GREB1L: variants seen among roughly 807,000 people sequenced by gnomAD.
GREB1L encodes GREB1-like protein.
GREB1L carries 17 observed loss-of-function variants against 200.8 expected under a neutral mutation model. The ratio of observed to expected loss-of-function variants is 0.08; its 90% CI spans 0.06 to 0.13. The LOEUF is 0.13. Among genes scored for constraint, GREB1L ranks in the 10% least tolerant of loss-of-function variants. The pLI is 1.00. For synonymous variants in GREB1L, 789 were observed against 893.0 expected, an observed-to-expected ratio of 0.88 and a Z score of 2.08; for missense variants, 1,657 against 2,367.7, an observed-to-expected ratio of 0.70 and a Z score of 6.23.
intron 18 of GREB1L, among the ~76,000 whole-genome samples, 158 bp from the exon 19 acceptor site, chr18:21,489,854 A>G (rs1216777411): frequency 6.6e-6 from 1 of 152,154 alleles, no homozygotes; most frequent in Non-Finnish European, 1.5e-5. Flanking sequence ...TTTTCCTTCC[A>G]GTGATGTAGG....
intron 21 of GREB1L, 52 bp from the exon 22 acceptor site, chr18:21,499,677 C>A: frequency 7.4e-7 from 1 of 1,349,976 alleles, no homozygotes; most frequent in Non-Finnish European, 1.0e-6. Context: ...CTTCCACACC[C>A]TAGATCAGTA....
At chr18:21,505,778 C>T in intron 24 of GREB1L, 32 bp from the exon 25 acceptor site, 7 of 1,540,830 alleles carry the variant, frequency 4.5e-6, no homozygotes, top group Middle Eastern at 1.7e-4. Context: ...CATGTTATCT[C>T]ATGGGATGGC....
Position 21,514,815 on chromosome 18 carries a change from C to T in GREB1L, c.4902-602C>T, listed in dbSNP as rs762316796. Among the ~76,000 whole-genome samples, 13 of 152,294 alleles carry T rather than the reference C, an allele frequency of 8.5e-5. No homozygotes were observed. The South Asian group carries it at 1.2e-3, about 15-fold the overall frequency. On this transcript the variant is annotated intron_variant, in intron 28 of 32. Transcript: ENST00000424526. Reference sequence around the variant, plus strand: ...CTCAAGTCCATCACCTGTAAAATTACGCCTGGGCCAAAATCAGTGGTTCTC... The same window carrying T: ...CTCAAGTCCATCACCTGTAAAATTATGCCTGGGCCAAAATCAGTGGTTCTC...
chr18:21,379,525 TGAAAG>T (rs1157846859), intron 2 of GREB1L, among the ~76,000 whole-genome samples: 7 of 152,200 alleles, frequency 4.6e-5, no homozygotes, highest in African/African-American at 1.7e-4. Flanking sequence ...TTTTCAATGA[TGAAAG>T]GAAGATAACT....
chr18:21,389,755 A>C (rs1160722287), intron 4 of GREB1L, among the ~76,000 whole-genome samples: 1 of 152,230 alleles, frequency 6.6e-6, no homozygotes, highest in Non-Finnish European at 1.5e-5. Flanking sequence ...GTCTGTGAGC[A>C]TGAATTACTT....
chr18:21,505,244 G>C (rs1404045371), intron 23 of GREB1L, among the ~76,000 whole-genome samples, 168 bp from the exon 24 acceptor site: 1 of 152,166 alleles, frequency 6.6e-6, no homozygotes, highest in Non-Finnish European at 1.5e-5. Context: ...GTTCCTCTCA[G>C]CATGGGTGTG....
chr18:21,330,775 TC>T (rs1459467813), intron 1 of GREB1L, among the ~76,000 whole-genome samples: 1 of 152,158 alleles, frequency 6.6e-6, no homozygotes, highest in Non-Finnish European at 1.5e-5. Flanking sequence ...CAAACTTGCT[TC>T]CTTGACATAC....
intron 4 of GREB1L, among the ~76,000 whole-genome samples, chr18:21,389,439 C>T (rs1300868533): frequency 1.3e-5 from 2 of 148,572 alleles, no homozygotes; most frequent in Non-Finnish European, 3.0e-5. Flanking sequence ...ACACACCTCT[C>T]ATAGAATACA....
chr18:21,454,893 C>T (rs1419312067), intron 15 of GREB1L: 1 of 361,634 alleles, frequency 2.8e-6, no homozygotes, highest in African/African-American at 2.1e-5. Context: ...TTGATGGCGT[C>T]TGTGCCACCT....
chr18:21,376,180 C>T (rs1168739260), intron 2 of GREB1L, among the ~76,000 whole-genome samples: 3 of 151,786 alleles, frequency 2.0e-5, no homozygotes, highest in South Asian at 2.1e-4. Flanking sequence ...AGTGCAATGG[C>T]GTGATCTCGG....
intron 1 of GREB1L, among the ~76,000 whole-genome samples, chr18:21,362,153 A>C (rs2039589847): frequency 6.6e-6 from 1 of 152,140 alleles, no homozygotes; most frequent in Admixed American, 6.6e-5. Flanking sequence ...AAAACCCAGA[A>C]AATTCTGAGA....
At chr18:21,465,917 A>G (rs2035246242) in intron 15 of GREB1L, among the ~76,000 whole-genome samples, 1 of 152,186 alleles carries the variant, frequency 6.6e-6, no homozygotes, top group African/African-American at 2.4e-5. Context: ...TCTTTTCAAA[A>G]GTAACCATTA....
chr18:21,313,463 G>C (rs1234744935), intron 1 of GREB1L, among the ~76,000 whole-genome samples: 1 of 152,170 alleles, frequency 6.6e-6, no homozygotes, highest in African/African-American at 2.4e-5. Context: ...GGTATTGTCA[G>C]CATTTTGCAG....
intron 2 of GREB1L, among the ~76,000 whole-genome samples, chr18:21,371,356 A>G (rs1373394953): frequency 1.3e-5 from 2 of 152,106 alleles, no homozygotes; most frequent in East Asian, 3.8e-4. Context: ...GAACTTTTAC[A>G]TTATTTTTCC....
chr18:21,508,687 A>C, intron 27 of GREB1L, 96 bp downstream of exon 27: 1 of 818,714 alleles, frequency 1.2e-6, no homozygotes, highest in Non-Finnish European at 1.9e-6. Context: ...GCCTCTAGAA[A>C]TTGTCCTGCC....
rs916219587 is a variant in GREB1L at position 21,378,180 on chromosome 18, A to AG, written c.-9-5328dup. Reference sequence around the variant, plus strand: ...GCTCTTTGAGATTTAGAGGAAACGGAGGCTGGTGGATAATGCCAACAATTT... The same window carrying AG: ...GCTCTTTGAGATTTAGAGGAAACGGAGGGCTGGTGGATAATGCCAACAATTT... On this transcript the variant is annotated intron_variant, in intron 2 of 32. Transcript: ENST00000424526. Among the ~76,000 whole-genome samples, 5 of 152,246 alleles carry AG rather than the reference A, an allele frequency of 3.3e-5. No individual in the cohort carries two copies. The East Asian group carries it at 9.7e-4, about 29-fold the overall frequency.
chr18:21,506,893 C>G (rs189770953), intron 25 of GREB1L, among the ~76,000 whole-genome samples: 1 of 152,300 alleles, frequency 6.6e-6, no homozygotes, highest in Non-Finnish European at 1.5e-5. Context: ...CCAGAGCTTA[C>G]TTCCCCAAAT....
chr18:21,320,529 C>T (rs572003173), intron 1 of GREB1L, among the ~76,000 whole-genome samples: 68 of 151,634 alleles, frequency 4.5e-4, no homozygotes, highest in African/African-American at 1.2e-3. Context: ...TTTGGGAGGC[C>T]GAGATGGGTG....
chr18:21,286,467 C>T (rs1032531031), intron 1 of GREB1L, among the ~76,000 whole-genome samples: 1 of 152,062 alleles, frequency 6.6e-6, no homozygotes, highest in African/African-American at 2.4e-5. Context: ...GAAAATGAAA[C>T]ACAATGAGCC....
Sources: gnomAD v4.1 joint callset for allele counts (sites outside exome capture counted in the v4.1 genomes callset) on GRCh38, gnomAD v4.1.1 for gene constraint, MANE v1.5 for transcripts, NCBI Gene and HGNC (gene_info 2026-07-23, HGNC 2026-07-21) for gene names.